Variants in VWA3A observed in about 807,000 individuals in gnomAD.
VWA3A encodes von Willebrand factor A domain containing 3A.
VWA3A carries 134 observed loss-of-function variants against 160.4 expected under a neutral mutation model. The ratio of observed to expected loss-of-function variants is 0.84; its 90% CI spans 0.73 to 0.96. VWA3A has a LOEUF of 0.96. Ranked by LOEUF, VWA3A falls within the 40% of genes least tolerant of loss-of-function variation. VWA3A has a pLI of 0.00. For missense variants in VWA3A, 1,310 were observed against 1,447.9 expected, an observed-to-expected ratio of 0.90 and a Z score of 1.55; for synonymous variants, 476 against 543.4, an observed-to-expected ratio of 0.88 and a Z score of 1.72.
At chr16:22,094,118 A>T (rs1200601171) in intron 1 of VWA3A, among the ~76,000 whole-genome samples, 1 of 151,974 alleles carries the variant, frequency 6.6e-6, no homozygotes, top group East Asian at 1.9e-4. Context: ...TATTTTATGC[A>T]GTTCAACCCC....
rs998559670 is a variant in VWA3A, at chr16:22,115,531, C to T, written c.815+59C>T. 5 of 1,523,276 alleles carry T rather than the reference C, an allele frequency of 3.3e-6. No individual in the cohort carries two copies. In the Admixed American group the frequency reaches 8.7e-5, roughly 27 times the overall value. The allele number at this position is 1,523,276 out of a possible 1,614,324, so 94.4% of individuals were successfully genotyped here. On this transcript the variant is annotated intron_variant, in intron 9 of 33. Coordinates refer to ENST00000389398, the MANE Select transcript of VWA3A (RefSeq NM_173615.5). ...CATGAAAAGGACTGAAAAACCAAAC[C>T]ACTTTTTGAGAAAAGATTGGCTTGT...
At chr16:22,139,362 TC>T (rs2046102173) in intron 22 of VWA3A, among the ~76,000 whole-genome samples, 1 of 152,112 alleles carries the variant, frequency 6.6e-6, no homozygotes, top group Non-Finnish European at 1.5e-5. Context: ...ACCGCCACAC[TC>T]CAGTCGTGGC....
At chr16:22,115,204 A>G in intron 8 of VWA3A, 143 bp from the exon 9 acceptor site, 1 of 903,722 alleles carries the variant, frequency 1.1e-6, no homozygotes. Context: ...TGGGCCCAGG[A>G]GTTCGAGGTT....
chr16:22,144,533 TG>T (rs112800406), intron 26 of VWA3A, 149 bp downstream of exon 26: 6 of 1,215,022 alleles, frequency 4.9e-6, no homozygotes, highest in African/African-American at 4.6e-5. Flanking sequence ...AAATAGGAGA[TG>T]CAAAATCCTG....
Position 22,126,147 on chromosome 16 carries a change from T to C in VWA3A, c.1533-31T>C, listed in dbSNP as rs372914727. The C allele has an allele frequency of 1.9e-6, 3 of 1,612,054 alleles. No homozygotes were observed. In the African/African-American group the frequency reaches 4.0e-5, roughly 22 times the overall value. ...AATAAACATTATCTCAGAGATTCGG[T>C]TCTCCTCTTAAAGCTCGTGTTTCCT... On this transcript the variant is annotated intron_variant, in intron 16 of 33. Coordinates refer to ENST00000389398, the MANE Select transcript of VWA3A (RefSeq NM_173615.5).
chr16:22,150,976 T>C, intron 30 of VWA3A, 130 bp downstream of exon 30: 2 of 1,170,760 alleles, frequency 1.7e-6, no homozygotes, highest in Non-Finnish European at 2.3e-6. Flanking sequence ...CCTAATCCTG[T>C]AAATCAGAAA....
intron 1 of VWA3A, among the ~76,000 whole-genome samples, chr16:22,094,697 G>T (rs143181378): frequency 6.2e-4 from 95 of 152,278 alleles, no homozygotes; most frequent in Non-Finnish European, 1.1e-3. Context: ...GGGCGTGGTG[G>T]CTCAACACCT....
intron 16 of VWA3A, among the ~76,000 whole-genome samples, chr16:22,125,822 A>G (rs1170296915): frequency 6.6e-6 from 1 of 152,226 alleles, no homozygotes; most frequent in Non-Finnish European, 1.5e-5. Flanking sequence ...GACTTGCCTA[A>G]GGCAATATAC....
At position 22,107,588 on chromosome 16, in the gene VWA3A, T is replaced by A. The variant is rs182421270; in HGVS notation, c.484-1894T>A. On this transcript the variant is annotated intron_variant, in intron 6 of 33. Coordinates refer to ENST00000389398, the MANE Select transcript of VWA3A (RefSeq NM_173615.5). ...AAGACCCTATCTCTACAAAAAATTT[T>A]AAAAAAAAATAGCCAGGTGTGGTGG... is the stretch of plus-strand genomic sequence containing the variant. 2.6e-3 allele frequency among the ~76,000 whole-genome samples: 399 copies of A among 151,196 alleles called. 1 individual carries two copies. Among genetic ancestry groups the A allele is most frequent in the South Asian group, 0.013 (64 of 4,780 alleles).
intron 1 of VWA3A, 115 bp from the exon 2 acceptor site, chr16:22,096,744 C>CAA: frequency 1.4e-6 from 1 of 706,654 alleles, no homozygotes; most frequent in Non-Finnish European, 2.3e-6. Flanking sequence ...GACCCTATCT[C>CAA]AAAAAAAAAT....
chr16:22,129,160 C>T (rs894764407), intron 17 of VWA3A, among the ~76,000 whole-genome samples: 2 of 151,476 alleles, frequency 1.3e-5, no homozygotes, highest in African/African-American at 2.4e-5. Context: ...GAGGCCGAGG[C>T]GGGCGGATCA....
In VWA3A at chr16:22,143,388, C is replaced by A. The variant is rs544139514; in HGVS notation, c.2592+623C>A. On this transcript the variant is annotated intron_variant, in intron 25 of 33. Coordinates refer to ENST00000389398, the MANE Select transcript of VWA3A (RefSeq NM_173615.5). Reference sequence around the variant, plus strand: ...AGTGAAATCAACAGAAATCCCACTTCTTGTGCATAAGGGGATAGTTGTCCC... The same window carrying A: ...AGTGAAATCAACAGAAATCCCACTTATTGTGCATAAGGGGATAGTTGTCCC... Among the ~76,000 whole-genome samples, 3 of 152,274 alleles carry A rather than the reference C, an allele frequency of 2.0e-5. No homozygotes were observed. The South Asian group carries it at 6.2e-4, about 32-fold the overall frequency.
intron 17 of VWA3A, among the ~76,000 whole-genome samples, chr16:22,129,403 A>C (rs1567212529): frequency 1.8e-5 from 1 of 56,094 alleles, no homozygotes; most frequent in East Asian, 1.4e-3. Flanking sequence ...AAAAAAAAAA[A>C]AAGAAAGAAA....
In VWA3A at chr16:22,126,259, G is replaced by A. The variant is rs2045847823; in HGVS notation, c.1614G>A (p.Glu538=). The change falls in exon 17 of 34, where the codon GAG becomes GAA. Residue 538 remains glutamate, a synonymous_variant. Coordinates refer to ENST00000389398, the MANE Select transcript of VWA3A (RefSeq NM_173615.5). The part of the protein sequence containing the change: ...HIQHSLRLLL[E]EQLSNKDCFN... ...AGCACTCCCTGCGGCTGCTGCTGGA[G>A]GAGCAGTTATCCAACAAGGACTGTT... 2 of 1,613,910 alleles carry A rather than the reference G, an allele frequency of 1.2e-6. No homozygotes were observed. Among genetic ancestry groups the A allele is most frequent in the South Asian group, 2.2e-5 (2 of 91,074 alleles).
Position 22,143,798 on chromosome 16 carries a change from AGT to A in VWA3A, c.2593-447_2593-446del, listed in dbSNP as rs1182170782. ...GTTTCACTCTTGTTGCCCAGGCTGGAGTGCAGTAGCACTATCACTGCAACCTC... is the reference window on the plus strand; with the variant it reads ...GTTTCACTCTTGTTGCCCAGGCTGGAGCAGTAGCACTATCACTGCAACCTC... On this transcript the variant is annotated intron_variant, in intron 25 of 33. Transcript: ENST00000389398. Among the ~76,000 whole-genome samples, 14 of 146,110 alleles carry A rather than the reference AGT, an allele frequency of 9.6e-5. 1 individual carries two copies. Among genetic ancestry groups the A allele is most frequent in the African/African-American group, 3.5e-4 (14 of 39,454 alleles).
intron 6 of VWA3A, among the ~76,000 whole-genome samples, chr16:22,105,982 G>A (rs775762599): frequency 7.2e-5 from 11 of 152,104 alleles, no homozygotes; most frequent in Non-Finnish European, 1.6e-4. Context: ...GTTCGCTGTC[G>A]GGGGAAAAAA....
intron 19 of VWA3A, among the ~76,000 whole-genome samples, chr16:22,132,577 C>T (rs2045967376): frequency 6.6e-6 from 1 of 152,012 alleles, no homozygotes; most frequent in Non-Finnish European, 1.5e-5. Flanking sequence ...TACATACATA[C>T]CTACATAGTG....
chr16:22,135,946 C>T (rs546523422), intron 21 of VWA3A, among the ~76,000 whole-genome samples: 6 of 152,154 alleles, frequency 3.9e-5, no homozygotes, highest in East Asian at 3.9e-4. Context: ...CCCGCCACCA[C>T]GCCTGACTGA....
intron 12 of VWA3A, 77 bp from the exon 13 acceptor site, chr16:22,120,891 T>A (rs1461412170): frequency 6.4e-7 from 1 of 1,552,014 alleles, no homozygotes; most frequent in Non-Finnish European, 8.8e-7. Context: ...TTGCATTGAC[T>A]GGGTGGAGGG....
Sources: gnomAD v4.1 joint callset for allele counts (sites outside exome capture counted in the v4.1 genomes callset) on GRCh38, gnomAD v4.1.1 for gene constraint, MANE v1.5 for transcripts, NCBI Gene and HGNC (gene_info 2026-07-23, HGNC 2026-07-21) for gene names.